SAMD3: variants seen among roughly 807,000 people sequenced by gnomAD.
The protein encoded by SAMD3 is sterile alpha motif domain containing 3.
Under a neutral mutation model 58.5 loss-of-function variants are expected in SAMD3, and 63 were observed. The observed-to-expected ratio is 1.08, with a 90% CI of 0.88 to 1.33. The LOEUF (loss-of-function observed/expected upper bound fraction) is 1.33. Ranked by LOEUF, SAMD3 falls within the 40% of genes most tolerant of loss-of-function variation. The probability of loss-of-function intolerance (pLI) is 0.00; values close to 1 mark genes in which losing one functional copy is unlikely to be tolerated. For synonymous variants in SAMD3, 220 were observed against 210.3 expected (o/e 1.05, Z -0.40); for missense variants, 604 against 608.4 (o/e 0.99, Z 0.08).
At chr6:130,199,297 C>T (rs1794426728) in intron 5 of SAMD3, among the ~76,000 whole-genome samples, 1 of 152,188 alleles carries the variant, frequency 6.6e-6, no homozygotes, top group South Asian at 2.1e-4. Context: ...TAATTCCTCT[C>T]TACATCCAAG....
Position 130,352,070 on chromosome 6 carries a change from G to T in SAMD3, c.-304+13050C>A, listed in dbSNP as rs562840767. Among the ~76,000 whole-genome samples the T allele has an allele frequency of 4.3e-5, 6 of 140,406 alleles. No individual in the cohort carries two copies. The East Asian group carries it at 1.4e-3, about 32-fold the overall frequency. 92.1% of individuals were successfully genotyped at this position (140,406 alleles called of 152,430 possible). On this transcript the variant is annotated intron_variant, in intron 1 of 13. Coordinates refer to the SAMD3 transcript ENST00000368134. Reference sequence around the variant, plus strand: ...ACACACCATGGTCTGTTGTGTGTTGGGGGGAGGGGGGAGGGATAGTATTAG... The same window carrying T: ...ACACACCATGGTCTGTTGTGTGTTGTGGGGAGGGGGGAGGGATAGTATTAG...
chr6:130,210,050 G>T (rs1034778736), intron 4 of SAMD3, among the ~76,000 whole-genome samples: 9 of 152,128 alleles, frequency 5.9e-5, no homozygotes, highest in Non-Finnish European at 1.0e-4. Flanking sequence ...TACTCTGCTA[G>T]CTCCCTTATT....
chr6:130,282,457 G>A (rs1006994921), intron 2 of SAMD3, among the ~76,000 whole-genome samples: 5 of 152,164 alleles, frequency 3.3e-5, no homozygotes, highest in Non-Finnish European at 5.9e-5. Flanking sequence ...GAAAACATGA[G>A]CTGTTGTGAC....
chr6:130,157,069 CAAAAAATA>C (rs1336958201), intron 8 of SAMD3, among the ~76,000 whole-genome samples: 10 of 110,994 alleles, frequency 9.0e-5, no homozygotes, highest in South Asian at 6.0e-4. Flanking sequence ...GACTCCGTCT[CAAAAAATA>C]AATAAATAAA....
At chr6:130,239,038 C>T (rs546541644) in intron 2 of SAMD3, among the ~76,000 whole-genome samples, 7 of 152,210 alleles carry the variant, frequency 4.6e-5, no homozygotes, top group African/African-American at 1.4e-4. Flanking sequence ...GGATTACAGG[C>T]GTGAGCCATC....
intron 2 of SAMD3, among the ~76,000 whole-genome samples, chr6:130,255,278 T>C (rs75339092): frequency 0.025 from 3,836 of 152,334 alleles, 68 homozygotes; most frequent in Non-Finnish European, 0.04. Context: ...TCTGTTGCTG[T>C]TGGATGTAAT....
chr6:130,360,184 A>G (rs1777942845), intron 1 of SAMD3, among the ~76,000 whole-genome samples: 1 of 152,270 alleles, frequency 6.6e-6, no homozygotes, highest in African/African-American at 2.4e-5. Context: ...CCCCAGTGTC[A>G]AAACTCATTA....
rs545717532 is a variant in SAMD3, at chr6:130,272,122, T to TA, written c.-188+40855dup. Among the ~76,000 whole-genome samples, 13 of 152,346 alleles carry TA rather than the reference T, an allele frequency of 8.5e-5. No individual in the cohort carries two copies. The East Asian group carries it at 2.5e-3, about 29-fold the overall frequency. On this transcript the variant is annotated intron_variant, in intron 2 of 13. Transcript: ENST00000368134. Reference sequence around the variant, plus strand: ...ATTATAAATAATACTCTTATATTGTTACGTTTAAAGTTTTGATTCCCTTGT... The same window carrying TA: ...ATTATAAATAATACTCTTATATTGTTAACGTTTAAAGTTTTGATTCCCTTGT...
intron 2 of SAMD3, among the ~76,000 whole-genome samples, chr6:130,304,542 C>T (rs1775852317): frequency 6.6e-6 from 1 of 152,152 alleles, no homozygotes; most frequent in South Asian, 2.1e-4. Context: ...TATGTCTATG[C>T]TAATATTACA....
rs1791681730 is a variant in SAMD3, at chr6:130,175,928, A to C, written c.735T>G (p.Asn245Lys). ...PIEDDEQVIR[N>K]KCKFGHRRGQ... The stretch of plus-strand genomic sequence containing the variant: ...CTCTTCGGTGTCCAAATTTACACTT[A>C]TTTCTAATCACTTGCTCATCATCTT... The change falls in exon 8 of 12, where the codon AAT (asparagine) becomes AAG (lysine). Residue 245 changes from asparagine to lysine, a missense_variant. By Grantham distance (94) the Asn-to-Lys change is moderately conservative. Transcript: ENST00000439090. 1 of 1,613,144 alleles carries C rather than the reference A, an allele frequency of 6.2e-7. No homozygotes were observed. Among genetic ancestry groups the C allele is most frequent in the Non-Finnish European group, 8.5e-7 (1 of 1,179,330 alleles).
chr6:130,271,918 A>T (rs1774577916), intron 2 of SAMD3, among the ~76,000 whole-genome samples: 1 of 152,222 alleles, frequency 6.6e-6, no homozygotes, highest in Non-Finnish European at 1.5e-5. Flanking sequence ...AGCATGGGAA[A>T]GACCCGTCCC....
chr6:130,227,358 T>C (rs1388659603), upstream of SAMD3, among the ~76,000 whole-genome samples: 2 of 152,236 alleles, frequency 1.3e-5, no homozygotes, highest in East Asian at 3.8e-4. Flanking sequence ...ATTTTGTTTA[T>C]CCATTCACTT....
At chr6:130,291,019 C>T (rs1017275751) in intron 2 of SAMD3, among the ~76,000 whole-genome samples, 1 of 152,200 alleles carries the variant, frequency 6.6e-6, no homozygotes, top group Non-Finnish European at 1.5e-5. Context: ...TTCACATACT[C>T]TGTCAGACCT....
chr6:130,284,407 T>C (rs1179123520), intron 2 of SAMD3, among the ~76,000 whole-genome samples: 1 of 151,886 alleles, frequency 6.6e-6, no homozygotes, highest in Non-Finnish European at 1.5e-5. Context: ...ATAACAAGGA[T>C]TAAAGATAAC....
At chr6:130,234,052 T>C (rs549632922) in intron 2 of SAMD3, among the ~76,000 whole-genome samples, 1 of 152,296 alleles carries the variant, frequency 6.6e-6, no homozygotes, top group East Asian at 1.9e-4. Flanking sequence ...CTGCCCTCCA[T>C]AGGGATTTAT....
chr6:130,187,034 C>T (rs774698358), intron 5 of SAMD3, among the ~76,000 whole-genome samples: 6 of 151,604 alleles, frequency 4.0e-5, no homozygotes, highest in African/African-American at 9.7e-5. Context: ...CCTCCCAAAG[C>T]GCTGGGATTA....
chr6:130,271,423 G>T (rs1027882990), intron 2 of SAMD3, among the ~76,000 whole-genome samples: 4 of 151,998 alleles, frequency 2.6e-5, no homozygotes, highest in African/African-American at 7.2e-5. Context: ...ATTTTTATTA[G>T]CATTTTTAAG....
At position 130,215,166 on chromosome 6, in the gene SAMD3, A is replaced by G. The variant is rs1422320880; in HGVS notation, c.79+29T>C. 3 of 1,241,392 alleles carry G rather than the reference A, an allele frequency of 2.4e-6. No homozygotes were observed. In the African/African-American group the frequency reaches 4.5e-5, roughly 19 times the overall value. 76.9% of individuals were successfully genotyped at this position (1,241,392 alleles called of 1,614,324 possible). A position where few individuals can be genotyped will look rare whatever the true frequency, so the allele number is the denominator to read the frequency against. On this transcript the variant is annotated intron_variant, in intron 3 of 11. Coordinates refer to ENST00000439090, the MANE Select transcript of SAMD3 (RefSeq NM_001017373.4). ...ACCAGAATATCTAGGCTGCTCAATT[A>G]AAATTTTTGGAAAGCATAAACAACT...
In SAMD3 at chr6:130,175,993, C is replaced by T; in HGVS notation, c.670G>A (p.Ala224Thr). The change falls in exon 8 of 12, where the codon GCC becomes ACC. Residue 224 changes from alanine (A) to threonine (T), a missense_variant. Transcript: ENST00000439090. The part of the protein sequence containing the change: ...DGCGFFLWKR[A>T]LKDRFKYVRR... ...ACATATTTAAAGCGATCTTTGAGGGCTCGTTTCCATAAAAACTGTAAAATA... is the reference window on the plus strand; with the variant it reads ...ACATATTTAAAGCGATCTTTGAGGGTTCGTTTCCATAAAAACTGTAAAATA... 2 of 1,612,456 alleles carry T rather than the reference C, an allele frequency of 1.2e-6. No homozygotes were observed. The highest frequency in any genetic ancestry group is 1.7e-6 in the Non-Finnish European group (2 of 1,179,384).
Sources: allele counts gnomAD v4.1 joint callset (sites outside exome capture counted in the v4.1 genomes callset), GRCh38; gene constraint gnomAD v4.1.1; transcripts MANE v1.5; gene names NCBI Gene and HGNC (gene_info 2026-07-23, HGNC 2026-07-21).